The following ADGRE3 variants were observed in gnomAD, a reference collection of about 807,000 sequenced individuals.
The protein encoded by ADGRE3 is EGF-like module receptor 3.
A neutral mutation model predicts 80.1 loss-of-function variants in ADGRE3; 88 were observed. That is an observed-to-expected ratio of 1.10 (90% CI 0.93 to 1.31). The LOEUF (loss-of-function observed/expected upper bound fraction) is 1.31. Among genes scored for constraint, ADGRE3 ranks in the 40% most tolerant of loss-of-function variants. The pLI, the probability that ADGRE3 is intolerant of heterozygous loss-of-function variation, is 0.00. For synonymous variants in ADGRE3, 281 were observed against 294.8 expected, an observed-to-expected ratio of 0.95 and a Z score of 0.48; for missense variants, 715 against 776.5, an observed-to-expected ratio of 0.92 and a Z score of 0.94.
chr19:14,654,894 G>T, intron 6 of ADGRE3, 88 bp downstream of exon 6: 1 of 987,098 alleles, frequency 1.0e-6, no homozygotes, highest in Non-Finnish European at 1.5e-6. Context: ...CTCATGTGGT[G>T]TATTCAATTT....
chr19:14,674,451 T>C (rs1972336718), intron 1 of ADGRE3, among the ~76,000 whole-genome samples: 1 of 152,036 alleles, frequency 6.6e-6, no homozygotes, highest in African/African-American at 2.4e-5. Flanking sequence ...GAGTCAAGAT[T>C]GCGCCACTGC....
the ADGRE3 span, chr19:14,600,329 T>C: frequency 1.0e-6 from 1 of 982,512 alleles, no homozygotes; most frequent in African/African-American, 1.6e-5. Flanking sequence ...CTTCCTAAGG[T>C]AGTATCATGC....
chr19:14,615,622 C>T (rs146660726), downstream of ADGRE3, among the ~76,000 whole-genome samples: 23 of 151,212 alleles, frequency 1.5e-4, no homozygotes, highest in African/African-American at 4.8e-4. Flanking sequence ...ATTAGCCGGG[C>T]GTGGTGGTGC....
At chr19:14,607,064 G>A in the ADGRE3 span, 4 of 1,347,274 alleles carry the variant, frequency 3.0e-6, no homozygotes, top group Non-Finnish European at 2.9e-6. Context: ...CCCAGGAAGG[G>A]GACTGGAGGT....
At chr19:14,664,916 A>G (rs751788939) in intron 2 of ADGRE3, among the ~76,000 whole-genome samples, 27 of 152,102 alleles carry the variant, frequency 1.8e-4, no homozygotes, top group Non-Finnish European at 3.2e-4. Flanking sequence ...TCAGAAAAAT[A>G]CCAATCCATA....
chr19:14,600,326 A>G, the ADGRE3 span: 1 of 996,898 alleles, frequency 1.0e-6, no homozygotes, highest in Non-Finnish European at 1.4e-6. Context: ...GCTCTTCCTA[A>G]GGTAGTATCA....
Position 14,658,553 on chromosome 19 carries a change from G to A in ADGRE3, c.356-3C>T. On this transcript the variant is annotated splice_polypyrimidine_tract_variant and splice_region_variant and intron_variant, in intron 4 of 15. Transcript: ENST00000253673. Reference sequence around the variant, plus strand: ...GGTTGTCTTTGAGGAGGTGGTGTCTGCAAAAGACATCATGATGGAGTTACT... The same window carrying A: ...GGTTGTCTTTGAGGAGGTGGTGTCTACAAAAGACATCATGATGGAGTTACT... 6.4e-7 allele frequency: 1 copy of A among 1,556,580 alleles called. No homozygotes were observed.
At chr19:14,616,001 C>T (rs1355963071), downstream of ADGRE3, among the ~76,000 whole-genome samples, 4 of 148,556 alleles carry the variant, frequency 2.7e-5, no homozygotes, top group African/African-American at 9.9e-5. Context: ...CTTGCTCTGT[C>T]GCCCACTGTA....
chr19:14,627,434 A>G (rs565859058), intron 14 of ADGRE3, among the ~76,000 whole-genome samples: 2 of 152,224 alleles, frequency 1.3e-5, no homozygotes, highest in African/African-American at 2.4e-5. Flanking sequence ...CTGGAATGCA[A>G]TGGTGTGATC....
At chr19:14,636,036 C>G (rs1462907571) in intron 11 of ADGRE3, among the ~76,000 whole-genome samples, 1 of 84,570 alleles carries the variant, frequency 1.2e-5, no homozygotes, top group Non-Finnish European at 2.7e-5. Context: ...TTCCTTCCTT[C>G]CTTCCTTCCT....
In ADGRE3 at chr19:14,662,053, C is replaced by T. The variant is rs61729085; in HGVS notation, c.265G>A (p.Glu89Lys). Residue 89 changes from glutamate (E) to lysine (K), a missense_variant, in exon 4 of 16, where the codon GAA (glutamate) becomes AAA (lysine). Transcript: ENST00000253673. ...ACACATTGACAGTAGAAACTTCCTTCGACATTGTAACACACAGCGTTAAAT... is the reference window on the plus strand; with the variant it reads ...ACACATTGACAGTAGAAACTTCCTTTGACATTGTAACACACAGCGTTAAAT... ...CGFNAVCYNV[E>K]GSFYCQCVPG... 3.7e-5 allele frequency: 59 copies of T among 1,613,934 alleles called. No homozygotes were observed. In the East Asian group the frequency reaches 5.6e-4, roughly 15 times the overall value.
intron 6 of ADGRE3, among the ~76,000 whole-genome samples, chr19:14,654,436 A>AT (rs1321230247): frequency 2.0e-5 from 3 of 149,246 alleles, no homozygotes; most frequent in African/African-American, 2.5e-5. Context: ...CAAATTTTAA[A>AT]TTTTTTTTAA....
intron 4 of ADGRE3, among the ~76,000 whole-genome samples, chr19:14,659,240 G>A (rs1244781830): frequency 1.1e-4 from 16 of 148,964 alleles, no homozygotes; most frequent in African/African-American, 3.7e-4. Context: ...ATGGGGTTTC[G>A]CCATGTTGGC....
At chr19:14,647,489 T>G (rs1224644443) in intron 7 of ADGRE3, 124 bp from the exon 8 acceptor site, 12 of 714,550 alleles carry the variant, frequency 1.7e-5, no homozygotes, top group Non-Finnish European at 4.4e-6. Flanking sequence ...TGATCTTGGC[T>G]CACTGCAACC....
chr19:14,636,199 C>CT lies in ADGRE3; in HGVS notation c.1484+1905dup, dbSNP rs372034239. 1.2e-4 allele frequency among the ~76,000 whole-genome samples: 4 copies of CT among 34,134 alleles called. 1 individual carries two copies. Among genetic ancestry groups the CT allele is most frequent in the Non-Finnish European group, 2.6e-4 (4 of 15,540 alleles). 22.4% of individuals were successfully genotyped at this position (34,134 alleles called of 152,430 possible). A position where few individuals can be genotyped will look rare whatever the true frequency, so the allele number is the denominator to read the frequency against. On this transcript the variant is annotated intron_variant, in intron 11 of 15. Transcript: ENST00000253673. ...TTCCTTCCTCTTTCTTTCTTTCTTTCTTTCTTTTCTTTTCTTTTTTCTTTC... is the reference window on the plus strand; with the variant it reads ...TTCCTTCCTCTTTCTTTCTTTCTTTCTTTTCTTTTCTTTTCTTTTTTCTTTC...
chr19:14,668,666 T>G (rs766016372), intron 2 of ADGRE3, 136 bp downstream of exon 2: 3 of 606,152 alleles, frequency 4.9e-6, no homozygotes, highest in Non-Finnish European at 8.9e-6. Flanking sequence ...AGCAAACAAA[T>G]AATGAAACAC....
the ADGRE3 span, among the ~76,000 whole-genome samples, chr19:14,600,930 T>C: frequency 9.6e-6 from 1 of 104,274 alleles, no homozygotes. Context: ...TGAGATGGAG[T>C]CTCACTCTGT....
intron 14 of ADGRE3, among the ~76,000 whole-genome samples, chr19:14,627,940 C>T (rs1970777886): frequency 6.6e-6 from 1 of 151,682 alleles, no homozygotes; most frequent in Non-Finnish European, 1.5e-5. Flanking sequence ...ACCAGCCTGA[C>T]CAACATGGAG....
intron 6 of ADGRE3, among the ~76,000 whole-genome samples, 159 bp downstream of exon 6, chr19:14,654,823 A>T (rs564648706): frequency 6.6e-6 from 1 of 151,062 alleles, no homozygotes; most frequent in Admixed American, 6.6e-5. Context: ...CCTCCCTGTC[A>T]CTCTAGATAA....
Sources: gnomAD v4.1 joint callset for allele counts (sites outside exome capture counted in the v4.1 genomes callset) on GRCh38, gnomAD v4.1.1 for gene constraint, MANE v1.5 for transcripts, NCBI Gene and HGNC (gene_info 2026-07-23, HGNC 2026-07-21) for gene names.